Variants in KCND2 observed in about 807,000 individuals in gnomAD.
The protein encoded by KCND2 is A-type voltage-gated potassium channel KCND2.
A neutral mutation model predicts 54.4 loss-of-function variants in KCND2; 16 were observed. The ratio of observed to expected loss-of-function variants is 0.29; its 90% CI spans 0.20 to 0.45. The LOEUF is 0.45. KCND2 is among the 20% of genes least tolerant of loss of function. The pLI is 1.00. For synonymous variants in KCND2, 317 were observed against 310.7 expected (o/e 1.02, Z -0.21); for missense variants, 486 against 824.2 (o/e 0.59, Z 5.02).
chr7:120,739,824 C>CACACACAT (rs949608513), intron 2 of KCND2, among the ~76,000 whole-genome samples: 1 of 151,742 alleles, frequency 6.6e-6, no homozygotes, highest in African/African-American at 2.4e-5. Context: ...CACACACACA[C>CACACACAT]ACACACACGC....
intron 1 of KCND2, among the ~76,000 whole-genome samples, chr7:120,644,722 A>C (rs1031579405): frequency 6.6e-6 from 1 of 152,240 alleles, no homozygotes; most frequent in African/African-American, 2.4e-5. Flanking sequence ...CACTATTGTC[A>C]GAAGCCGGGT....
At chr7:120,353,715 G>A (rs536636168) in intron 1 of KCND2, among the ~76,000 whole-genome samples, 1 of 152,162 alleles carries the variant, frequency 6.6e-6, no homozygotes, top group Non-Finnish European at 1.5e-5. Context: ...AGACCTATGG[G>A]GGTCTCTGAG....
At chr7:120,680,982 G>T (rs1176822737) in intron 1 of KCND2, among the ~76,000 whole-genome samples, 3 of 152,002 alleles carry the variant, frequency 2.0e-5, no homozygotes, top group African/African-American at 7.2e-5. Flanking sequence ...TGTTTGTTTA[G>T]GTATTGAACT....
chr7:120,595,358 T>C (rs1018475519), intron 1 of KCND2, among the ~76,000 whole-genome samples: 4 of 148,178 alleles, frequency 2.7e-5, no homozygotes, highest in Non-Finnish European at 6.0e-5. Flanking sequence ...GGCTGAGACA[T>C]GAGAATCACT....
chr7:120,300,674 CTG>C (rs1346941684), intron 1 of KCND2, among the ~76,000 whole-genome samples: 11 of 151,922 alleles, frequency 7.2e-5, no homozygotes, highest in African/African-American at 2.7e-4. Context: ...TGTAAAGTAA[CTG>C]TAATTAGAGT....
chr7:120,310,049 C>T (rs1191678682), intron 1 of KCND2, among the ~76,000 whole-genome samples: 1 of 152,192 alleles, frequency 6.6e-6, no homozygotes, highest in Admixed American at 6.6e-5. Flanking sequence ...AGAGGGAACA[C>T]TGAGTACTTT....
chr7:120,644,920 G>A (rs572898708), intron 1 of KCND2, among the ~76,000 whole-genome samples: 8 of 152,104 alleles, frequency 5.3e-5, no homozygotes, highest in African/African-American at 1.9e-4. Context: ...TGAATTCACA[G>A]TTATTCTATT....
At chr7:120,450,322 A>G (rs1053760509) in intron 1 of KCND2, among the ~76,000 whole-genome samples, 1 of 152,144 alleles carries the variant, frequency 6.6e-6, no homozygotes, top group African/African-American at 2.4e-5. Context: ...AGGCAGGAGA[A>G]TCGATTTAAC....
chr7:120,323,492 C>A (rs1406144379), intron 1 of KCND2, among the ~76,000 whole-genome samples: 2 of 150,046 alleles, frequency 1.3e-5, no homozygotes, highest in African/African-American at 4.9e-5. Context: ...TGTTCCCCTT[C>A]CTGTGTCCAT....
chr7:120,507,327 C>T (rs955758567), intron 1 of KCND2, among the ~76,000 whole-genome samples: 1 of 151,772 alleles, frequency 6.6e-6, no homozygotes, highest in African/African-American at 2.4e-5. Context: ...CTGTGTTAAC[C>T]TATGTGGCAG....
At position 120,584,159 on chromosome 7, in the gene KCND2, A is replaced by AAATATGCTT. The variant is rs1460990971; in HGVS notation, c.1116-148743_1116-148735dup. ...TATGGAGCTCATGCTGTAATAATAT[A>AAATATGCTT]AATATGCTTTCTATCCTCTTTGGGG... On this transcript the variant is annotated intron_variant, in intron 1 of 5. Coordinates refer to ENST00000331113, the MANE Select transcript of KCND2 (RefSeq NM_012281.3). Among the ~76,000 whole-genome samples, 3 of 152,230 alleles carry AAATATGCTT rather than the reference A, an allele frequency of 2.0e-5. No individual in the cohort carries two copies. In the East Asian group the frequency reaches 5.8e-4, roughly 29 times the overall value.
chr7:120,470,518 A>G (rs939648430), intron 1 of KCND2, among the ~76,000 whole-genome samples: 3 of 152,054 alleles, frequency 2.0e-5, no homozygotes, highest in Non-Finnish European at 4.4e-5. Context: ...TAATTTAACC[A>G]TACAAAGGAT....
intron 1 of KCND2, among the ~76,000 whole-genome samples, chr7:120,726,555 T>A (rs1185052895): frequency 6.6e-6 from 1 of 152,096 alleles, no homozygotes; most frequent in African/African-American, 2.4e-5. Context: ...AAGAGAAAAA[T>A]TCAGTGGATA....
At chr7:120,427,279 T>A (rs1213792852) in intron 1 of KCND2, among the ~76,000 whole-genome samples, 1 of 152,182 alleles carries the variant, frequency 6.6e-6, no homozygotes, top group African/African-American at 2.4e-5. Context: ...TTTATATCTC[T>A]CACCCTTTCC....
chr7:120,389,362 A>T (rs1179942632), intron 1 of KCND2, among the ~76,000 whole-genome samples: 2 of 151,822 alleles, frequency 1.3e-5, no homozygotes, highest in African/African-American at 4.8e-5. Context: ...TTGTATGTGT[A>T]TGTGTGTGTG....
In KCND2 at chr7:120,396,571, A is replaced by G. The variant is rs981335611; in HGVS notation, c.1115+120824A>G. Among the ~76,000 whole-genome samples the G allele has an allele frequency of 1.0e-3, 158 of 151,984 alleles. 2 individuals are homozygous for G. Among genetic ancestry groups the G allele is most frequent in the Non-Finnish European group, 7.9e-4 (54 of 67,974 alleles). On this transcript the variant is annotated intron_variant, in intron 1 of 5. Transcript: ENST00000331113. ...TATATTTTAATTGGATACATTAATTATTATTTGTGAGTTTCTACTAACGTT... is the reference window on the plus strand; with the variant it reads ...TATATTTTAATTGGATACATTAATTGTTATTTGTGAGTTTCTACTAACGTT...
At chr7:120,342,635 A>G (rs1210994382) in intron 1 of KCND2, among the ~76,000 whole-genome samples, 1 of 152,190 alleles carries the variant, frequency 6.6e-6, no homozygotes, top group Non-Finnish European at 1.5e-5. Flanking sequence ...AGTAAATACT[A>G]AAGTATTAAT....
intron 1 of KCND2, among the ~76,000 whole-genome samples, chr7:120,301,311 T>TA (rs1385693520): frequency 6.6e-6 from 1 of 152,184 alleles, no homozygotes; most frequent in African/African-American, 2.4e-5. Flanking sequence ...GCTTAGCAGA[T>TA]ATTAGCATCT....
intron 2 of KCND2, chr7:120,740,899 TTTTGTTTA>T (rs945798112): frequency 6.9e-6 from 3 of 437,826 alleles, no homozygotes; most frequent in African/African-American, 5.3e-5. Context: ...TCACAGTTGT[TTTTGTTTA>T]TTTGTTTGTT....
Sources: gnomAD v4.1 joint callset for allele counts (sites outside exome capture counted in the v4.1 genomes callset) on GRCh38, gnomAD v4.1.1 for gene constraint, MANE v1.5 for transcripts, NCBI Gene and HGNC (gene_info 2026-07-23, HGNC 2026-07-21) for gene names.